Variants in OLA1 observed in about 807,000 individuals in gnomAD.
OLA1 encodes Obg like ATPase 1, also known as obg-like ATPase 1.
OLA1 carries 14 observed loss-of-function variants against 48.4 expected under a neutral mutation model. The ratio of observed to expected loss-of-function variants is 0.29; its 90% CI spans 0.19 to 0.45. The LOEUF is 0.45. Ranked by LOEUF, OLA1 falls within the 20% of genes least tolerant of loss-of-function variation. OLA1 has a pLI of 1.00. For missense variants in OLA1, 325 were observed against 467.1 expected, an observed-to-expected ratio of 0.70 and a Z score of 2.80; for synonymous variants, 127 against 150.4, an observed-to-expected ratio of 0.84 and a Z score of 1.14.
intron 4 of OLA1, among the ~76,000 whole-genome samples, chr2:174,190,374 C>T (rs935071784): frequency 7.9e-5 from 12 of 151,844 alleles, no homozygotes; most frequent in South Asian, 2.1e-4. Context: ...GACTATAAAC[C>T]GAATATGAAA....
chr2:174,230,633 T>G lies in OLA1; in HGVS notation c.102-1182A>C, dbSNP rs114165707. ...TGTTACTGCTAGTTTACAGGAAATATAGAGGACAGAAGAACATATTAAATG... is the reference window on the plus strand; with the variant it reads ...TGTTACTGCTAGTTTACAGGAAATAGAGAGGACAGAAGAACATATTAAATG... On this transcript the variant is annotated intron_variant, in intron 2 of 10. Transcript: ENST00000284719. Among the ~76,000 whole-genome samples the G allele has an allele frequency of 3.1e-3, 470 of 152,280 alleles. 5 individuals carry two copies. Among genetic ancestry groups the G allele is most frequent in the African/African-American group, 0.01 (424 of 41,556 alleles).
At chr2:174,097,103 C>T (rs1218740898) in intron 7 of OLA1, among the ~76,000 whole-genome samples, 3 of 152,084 alleles carry the variant, frequency 2.0e-5, no homozygotes, top group Non-Finnish European at 4.4e-5. Context: ...TTGCAGTGAG[C>T]CGAGATCGCA....
chr2:174,123,623 C>CG lies in OLA1; in HGVS notation c.601dup (p.Arg201ProfsTer5). The CG allele has an allele frequency of 1.3e-6, 2 of 1,596,648 alleles. No individual in the cohort carries two copies. Among genetic ancestry groups the CG allele is most frequent in the Non-Finnish European group, 1.7e-6 (2 of 1,173,054 alleles). ...TTTGTCATTCCAATCATGATAGAAG[C>CG]GAACAGGTTTCTTTTGATCTATAAC... On this transcript the variant is annotated frameshift_variant, in exon 6 of 11. Coordinates refer to ENST00000284719, the MANE Select transcript of OLA1 (RefSeq NM_013341.5). LOFTEE classifies it high-confidence loss of function.
In OLA1 at chr2:174,158,315, C is replaced by T. The variant is rs563805251; in HGVS notation, c.374-16315G>A. Among the ~76,000 whole-genome samples, 24 of 151,978 alleles carry T rather than the reference C, an allele frequency of 1.6e-4. No homozygotes were observed. In the South Asian group the frequency reaches 4.4e-3, roughly 28 times the overall value. ...TTCATTCACCTAGAAATACAGTGAT[C>T]GCATATTTTATGCAAATGAAACTTT... On this transcript the variant is annotated intron_variant, in intron 4 of 10. Transcript: ENST00000284719.
intron 7 of OLA1, among the ~76,000 whole-genome samples, chr2:174,091,313 A>T (rs1343993636): frequency 6.6e-6 from 1 of 152,246 alleles, no homozygotes. Context: ...GGAAGAAGGG[A>T]CAGTGAGGTT....
At chr2:174,170,327 T>C (rs1687267735) in intron 4 of OLA1, among the ~76,000 whole-genome samples, 1 of 152,204 alleles carries the variant, frequency 6.6e-6, no homozygotes, top group Non-Finnish European at 1.5e-5. Context: ...AGGTATATTG[T>C]AATCACTAGA....
intron 4 of OLA1, among the ~76,000 whole-genome samples, chr2:174,163,751 TA>T (rs1687082832): frequency 9.3e-5 from 4 of 42,932 alleles, no homozygotes; most frequent in Non-Finnish European, 1.9e-4. Flanking sequence ...TATATATATA[TA>T]TATATATATA....
chr2:174,168,029 G>A lies in OLA1; in HGVS notation c.374-26029C>T, dbSNP rs550333110. Among the ~76,000 whole-genome samples the A allele has an allele frequency of 4.6e-5, 7 of 152,310 alleles. No homozygotes were observed. In the East Asian group the frequency reaches 1.3e-3, roughly 29 times the overall value. ...GAGAGCAAAGGAAATCAGAAAGACT[G>A]CTTAGGAGTACATGCTCAAAGAAGG... On this transcript the variant is annotated intron_variant, in intron 4 of 10. Coordinates refer to ENST00000284719, the MANE Select transcript of OLA1 (RefSeq NM_013341.5).
intron 5 of OLA1, among the ~76,000 whole-genome samples, chr2:174,133,946 C>T (rs1390777766): frequency 6.6e-6 from 1 of 152,184 alleles, no homozygotes; most frequent in Non-Finnish European, 1.5e-5. Context: ...TATTCCTCCC[C>T]CTAGTCTCTG....
intron 4 of OLA1, among the ~76,000 whole-genome samples, chr2:174,190,007 G>C (rs1687740699): frequency 6.6e-6 from 1 of 152,076 alleles, no homozygotes; most frequent in Non-Finnish European, 1.5e-5. Flanking sequence ...CAATAACTGT[G>C]CGCTGCTGTG....
At chr2:174,158,566 A>C (rs1574516916) in intron 4 of OLA1, among the ~76,000 whole-genome samples, 1 of 152,268 alleles carries the variant, frequency 6.6e-6, no homozygotes, top group Middle Eastern at 3.4e-3. Context: ...AAGTTCTGAC[A>C]TCATCAAGAC....
intron 4 of OLA1, among the ~76,000 whole-genome samples, chr2:174,207,661 TAAAG>T (rs1205868389): frequency 6.6e-6 from 1 of 152,118 alleles, no homozygotes; most frequent in African/African-American, 2.4e-5. Context: ...TCTTTCAAAA[TAAAG>T]AGTGACATCA....
chr2:174,205,358 A>C (rs1688087253), intron 4 of OLA1, among the ~76,000 whole-genome samples: 1 of 106,354 alleles, frequency 9.4e-6, no homozygotes, highest in African/African-American at 3.7e-5. Flanking sequence ...CTTCACACCT[A>C]ATACTTTTAA....
At chr2:174,210,410 T>C (rs1688215591) in intron 4 of OLA1, among the ~76,000 whole-genome samples, 1 of 152,172 alleles carries the variant, frequency 6.6e-6, no homozygotes, top group Admixed American at 6.6e-5. Flanking sequence ...AATTTTTATA[T>C]ATTACATATA....
At chr2:174,243,122 C>T (rs1321419418) in intron 2 of OLA1, among the ~76,000 whole-genome samples, 2 of 152,172 alleles carry the variant, frequency 1.3e-5, no homozygotes, top group Non-Finnish European at 2.9e-5. Flanking sequence ...AATTCTCCTG[C>T]CTCAGCCTCC....
intron 2 of OLA1, chr2:174,240,596 A>C (rs1227990801): frequency 6.6e-6 from 1 of 152,234 alleles, no homozygotes; most frequent in Non-Finnish European, 1.5e-5. Context: ...GACTTTTTAC[A>C]TAAGATATCC....
chr2:174,074,168 G>A lies in OLA1; in HGVS notation c.*1258C>T, dbSNP rs775370110. On this transcript the variant is annotated 3_prime_UTR_variant, in exon 11 of 11. Transcript: ENST00000284719. ...TTCTGCATCTTTAAAGTCCCAAAGC[G>A]ATACAGTAGAGGCAAAGGCTGGCTG... The A allele has an allele frequency of 6.6e-6, 1 of 152,142 alleles. No individual in the cohort carries two copies. Among genetic ancestry groups the A allele is most frequent in the Non-Finnish European group, 1.5e-5 (1 of 68,040 alleles). 9.4% of individuals were successfully genotyped at this position (152,142 alleles called of 1,614,324 possible).
At position 174,180,973 on chromosome 2, in the gene OLA1, C is replaced by G. The variant is rs145408634; in HGVS notation, c.374-38973G>C. On this transcript the variant is annotated intron_variant, in intron 4 of 10. Transcript: ENST00000284719. ...TTTTAGTACCTTTAGGTATTTATCT[C>G]AAAGGAAAACAAATCAGGCAAGAGG... 2.0e-4 allele frequency among the ~76,000 whole-genome samples: 31 copies of G among 152,150 alleles called. No homozygotes were observed. The East Asian group carries it at 2.1e-3, about 10-fold the overall frequency.
intron 4 of OLA1, among the ~76,000 whole-genome samples, chr2:174,178,623 G>C (rs886428726): frequency 6.6e-6 from 1 of 151,692 alleles, no homozygotes; most frequent in Non-Finnish European, 1.5e-5. Context: ...TCTTTATATG[G>C]GCCTATGAAC....
Sources: gnomAD v4.1 joint callset for allele counts (sites outside exome capture counted in the v4.1 genomes callset) on GRCh38, gnomAD v4.1.1 for gene constraint, MANE v1.5 for transcripts, NCBI Gene and HGNC (gene_info 2026-07-23, HGNC 2026-07-21) for gene names.